XRCC2: variants seen among roughly 807,000 people sequenced by gnomAD.
The protein encoded by XRCC2 is X-ray repair cross complementing 2.
Under a neutral mutation model 27.3 loss-of-function variants are expected in XRCC2, and 24 were observed. That is an observed-to-expected ratio of 0.88 (90% CI 0.64 to 1.24). The LOEUF (loss-of-function observed/expected upper bound fraction) is 1.24, where lower values mean the gene tolerates loss of function less well. XRCC2 is among the 50% of genes most tolerant of loss of function. The pLI is 0.00. For synonymous variants in XRCC2, 106 were observed against 115.4 expected (o/e 0.92, Z 0.52); for missense variants, 321 against 325.8 (o/e 0.99, Z 0.11).
chr7:152,671,284 G>A (rs2098038087), intron 1 of XRCC2, among the ~76,000 whole-genome samples: 1 of 152,136 alleles, frequency 6.6e-6, no homozygotes, highest in Non-Finnish European at 1.5e-5. Flanking sequence ...GAATAGTACA[G>A]TGAACCAATA....
At chr7:152,661,727 G>A (rs1009461067) in intron 1 of XRCC2, among the ~76,000 whole-genome samples, 4 of 152,246 alleles carry the variant, frequency 2.6e-5, no homozygotes, top group African/African-American at 9.6e-5. Flanking sequence ...GAAGGGCTCA[G>A]ACGCCATGTT....
chr7:152,666,810 G>C (rs1236892135), intron 1 of XRCC2, among the ~76,000 whole-genome samples: 4 of 151,066 alleles, frequency 2.6e-5, no homozygotes, highest in Non-Finnish European at 5.9e-5. Flanking sequence ...TAGAGATGGG[G>C]TTTCGCCATG....
In XRCC2 at chr7:152,667,756, T is replaced by C. The variant is rs544209011; in HGVS notation, c.40-6974A>G. Among the ~76,000 whole-genome samples, 7 of 152,150 alleles carry C rather than the reference T, an allele frequency of 4.6e-5. 1 individual carries two copies. Among genetic ancestry groups the C allele is most frequent in the Non-Finnish European group, 1.0e-4 (7 of 68,028 alleles). ...ATATTACAATTAACAATTGTAATTG[T>C]TGCTCACACCCATAATCCCAGCACT... On this transcript the variant is annotated intron_variant, in intron 1 of 2. Transcript: ENST00000359321.
In XRCC2 at chr7:152,660,787, TA is replaced by T. The variant is rs1563030243; in HGVS notation, c.40-6del. ...ACCTTCAAGTCGGGCAAGGAGCTTATAAAAGAAGAGAGAAGGAAAACTCATT... is the reference window on the plus strand; with the variant it reads ...ACCTTCAAGTCGGGCAAGGAGCTTATAAAGAAGAGAGAAGGAAAACTCATT... On this transcript the variant is annotated splice_region_variant and splice_polypyrimidine_tract_variant and intron_variant, in intron 1 of 2. Transcript: ENST00000359321. The T allele has an allele frequency of 6.2e-7, 1 of 1,603,114 alleles. No individual in the cohort carries two copies. The highest frequency in any genetic ancestry group is 2.2e-5 in the East Asian group (1 of 44,798).
rs1377099186 is a variant in XRCC2, at chr7:152,675,912, G to A, written c.39+129C>T. 9.4e-6 allele frequency: 12 copies of A among 1,273,776 alleles called. No homozygotes were observed. The South Asian group carries it at 1.4e-4, about 14-fold the overall frequency. 78.9% of individuals were successfully genotyped at this position (1,273,776 alleles called of 1,614,324 possible). A position where few individuals can be genotyped will look rare whatever the true frequency, so the allele number is the denominator to read the frequency against. On this transcript the variant is annotated intron_variant, in intron 1 of 2. Coordinates refer to ENST00000359321, the MANE Select transcript of XRCC2 (RefSeq NM_005431.2). ...TGCCAGCATCGCGGGCGTCTAGGCCGAGAGGCCGGTCCCAGCCCGGCCAGG... is the reference window on the plus strand; with the variant it reads ...TGCCAGCATCGCGGGCGTCTAGGCCAAGAGGCCGGTCCCAGCCCGGCCAGG...
intron 1 of XRCC2, among the ~76,000 whole-genome samples, chr7:152,673,643 G>A (rs940680303): frequency 2.2e-4 from 34 of 152,018 alleles, no homozygotes; most frequent in Admixed American, 1.7e-3. Flanking sequence ...TTAGGCAGGC[G>A]GATCATGAGG....
At chr7:152,675,945 GC>G in intron 1 of XRCC2, 95 bp downstream of exon 1, 4 of 1,545,998 alleles carry the variant, frequency 2.6e-6, no homozygotes, top group Non-Finnish European at 3.5e-6. Flanking sequence ...AGGCCGCGCC[GC>G]CCCAAGCCTC....
At chr7:152,662,731 C>G (rs2098033706) in intron 1 of XRCC2, among the ~76,000 whole-genome samples, 1 of 150,770 alleles carries the variant, frequency 6.6e-6, no homozygotes, top group Non-Finnish European at 1.5e-5. Context: ...CGCCACTACG[C>G]CCGGCTAATT....
At chr7:152,674,338 G>C (rs137909064) in intron 1 of XRCC2, among the ~76,000 whole-genome samples, 5,580 of 152,136 alleles carry the variant, frequency 0.037, 149 homozygotes, top group East Asian at 0.13. Flanking sequence ...GGTTTTGGCC[G>C]GGCGCAGTGG....
At chr7:152,669,889 G>C (rs3218412) in intron 1 of XRCC2, among the ~76,000 whole-genome samples, 88 of 151,670 alleles carry the variant, frequency 5.8e-4, no homozygotes, top group African/African-American at 2.1e-3. Flanking sequence ...TTGGGCCAAG[G>C]CTAGCAACAT....
At chr7:152,665,286 C>T (rs2098035080) in intron 1 of XRCC2, among the ~76,000 whole-genome samples, 1 of 152,142 alleles carries the variant, frequency 6.6e-6, no homozygotes, top group African/African-American at 2.4e-5. Context: ...GGACCCCAAC[C>T]AGACTTGCTG....
intron 1 of XRCC2, among the ~76,000 whole-genome samples, chr7:152,661,474 TGGA>T (rs1217549392): frequency 2.6e-5 from 4 of 152,162 alleles, no homozygotes; most frequent in South Asian, 4.1e-4. Context: ...AGGAGAAAGG[TGGA>T]GGAGAACTTC....
intron 1 of XRCC2, among the ~76,000 whole-genome samples, chr7:152,672,733 C>G (rs540674793): frequency 6.6e-6 from 1 of 152,228 alleles, no homozygotes; most frequent in Non-Finnish European, 1.5e-5. Flanking sequence ...CTTTTCACTT[C>G]AGTGCTATTG....
At chr7:152,664,863 C>T (rs2098034892) in intron 1 of XRCC2, among the ~76,000 whole-genome samples, 1 of 152,124 alleles carries the variant, frequency 6.6e-6, no homozygotes. Context: ...GGCTTACGGG[C>T]AACAACTTCC....
intron 1 of XRCC2, among the ~76,000 whole-genome samples, chr7:152,665,495 T>TC (rs2117004439): frequency 7.3e-6 from 1 of 136,984 alleles, no homozygotes; most frequent in African/African-American, 2.8e-5. Flanking sequence ...ACCTTTTTTT[T>TC]TTTTTTTTTT....
chr7:152,665,258 AC>A (rs1202090384), intron 1 of XRCC2, among the ~76,000 whole-genome samples: 2 of 152,158 alleles, frequency 1.3e-5, no homozygotes, highest in Non-Finnish European at 2.9e-5. Flanking sequence ...TTCCAAGAAG[AC>A]AAGAACTAAG....
intron 1 of XRCC2, among the ~76,000 whole-genome samples, chr7:152,668,764 A>G (rs2098036992): frequency 1.3e-5 from 2 of 152,242 alleles, no homozygotes; most frequent in Admixed American, 6.5e-5. Flanking sequence ...TTGTGAGTCA[A>G]TAGATTTGAT....
At chr7:152,653,149 A>C (rs1254236701) in intron 2 of XRCC2, among the ~76,000 whole-genome samples, 1 of 152,122 alleles carries the variant, frequency 6.6e-6, no homozygotes, top group Non-Finnish European at 1.5e-5. Context: ...TGTTCTCGTG[A>C]TAGTGAGTAA....
In XRCC2 at chr7:152,648,472, G is replaced by A; in HGVS notation, c.*170C>T. On this transcript the variant is annotated 3_prime_UTR_variant, in exon 3 of 3. Transcript: ENST00000359321. Reference sequence around the variant, plus strand: ...GCAGTGGCTCACGCCTGTAATCCCTGCACTCTAGGAGGCACACATAGGAGG... The same window carrying A: ...GCAGTGGCTCACGCCTGTAATCCCTACACTCTAGGAGGCACACATAGGAGG... The A allele has an allele frequency of 4.9e-6, 3 of 614,602 alleles. No homozygotes were observed. Among genetic ancestry groups the A allele is most frequent in the Non-Finnish European group, 7.7e-6 (3 of 387,598 alleles). 38.1% of individuals were successfully genotyped at this position (614,602 alleles called of 1,614,324 possible). A position where few individuals can be genotyped will look rare whatever the true frequency, so the allele number is the denominator to read the frequency against.
Sources: gnomAD v4.1 joint callset for allele counts (sites outside exome capture counted in the v4.1 genomes callset) on GRCh38, gnomAD v4.1.1 for gene constraint, MANE v1.5 for transcripts, NCBI Gene and HGNC (gene_info 2026-07-23, HGNC 2026-07-21) for gene names.